The following DOK6 variants were observed in gnomAD, a reference collection of about 807,000 sequenced individuals.
The protein encoded by DOK6 is downstream of tyrosine kinase 6.
Under a neutral mutation model 44.0 loss-of-function variants are expected in DOK6, and 22 were observed. The ratio of observed to expected loss-of-function variants is 0.50; its 90% CI spans 0.36 to 0.71. The LOEUF (loss-of-function observed/expected upper bound fraction) is 0.71, where lower values mean the gene tolerates loss of function less well. DOK6 is among the 30% of genes least tolerant of loss of function. DOK6 has a pLI of 0.00. For synonymous variants in DOK6, 166 were observed against 145.5 expected (o/e 1.14, Z -1.01); for missense variants, 340 against 416.4 (o/e 0.82, Z 1.60).
chr18:69,720,526 G>T (rs903173646), intron 5 of DOK6, among the ~76,000 whole-genome samples: 3 of 152,106 alleles, frequency 2.0e-5, no homozygotes, highest in African/African-American at 7.2e-5. Context: ...CTTCAAAGTC[G>T]ACCAATTTCC....
At chr18:69,535,332 C>G (rs1264875206) in intron 1 of DOK6, among the ~76,000 whole-genome samples, 2 of 151,748 alleles carry the variant, frequency 1.3e-5, no homozygotes, top group African/African-American at 4.8e-5. Context: ...TTTTCTGTAT[C>G]TTTGTTGCTG....
intron 1 of DOK6, among the ~76,000 whole-genome samples, chr18:69,486,373 TAGTA>T (rs897710454): frequency 6.6e-6 from 1 of 152,178 alleles, no homozygotes; most frequent in African/African-American, 2.4e-5. Context: ...TGAAAAGTCT[TAGTA>T]AGAATGATAA....
chr18:69,740,636 C>G (rs1242168669), intron 6 of DOK6, among the ~76,000 whole-genome samples: 2 of 152,226 alleles, frequency 1.3e-5, no homozygotes, highest in Non-Finnish European at 1.5e-5. Flanking sequence ...AACACCACCA[C>G]TTACTGGCTG....
chr18:69,477,753 A>T (rs979510360), intron 1 of DOK6, among the ~76,000 whole-genome samples: 1 of 152,194 alleles, frequency 6.6e-6, no homozygotes, highest in African/African-American at 2.4e-5. Context: ...TTCCTGCATG[A>T]TCAATATTCA....
chr18:69,493,605 ACT>A (rs1444877457), intron 1 of DOK6, among the ~76,000 whole-genome samples: 2 of 152,218 alleles, frequency 1.3e-5, no homozygotes, highest in Non-Finnish European at 2.9e-5. Context: ...TATGAGCAAC[ACT>A]CAATAATTAT....
At chr18:69,585,092 A>T (rs1455404305) in intron 2 of DOK6, among the ~76,000 whole-genome samples, 1 of 151,830 alleles carries the variant, frequency 6.6e-6, no homozygotes, top group Non-Finnish European at 1.5e-5. Context: ...CTTTATTTTA[A>T]ATCACATTTT....
At chr18:69,748,506 G>A (rs1377495645) in intron 6 of DOK6, among the ~76,000 whole-genome samples, 1 of 152,082 alleles carries the variant, frequency 6.6e-6, no homozygotes, top group Non-Finnish European at 1.5e-5. Flanking sequence ...CAAAAGAACT[G>A]AAATCATAAC....
At chr18:69,531,618 C>T (rs534772433) in intron 1 of DOK6, among the ~76,000 whole-genome samples, 2 of 152,042 alleles carry the variant, frequency 1.3e-5, no homozygotes, top group South Asian at 4.2e-4. Context: ...GAAATTATTT[C>T]CCTTCCTCCT....
intron 6 of DOK6, among the ~76,000 whole-genome samples, chr18:69,743,090 T>C (rs12458206): frequency 2.0e-5 from 3 of 152,250 alleles, no homozygotes; most frequent in Admixed American, 1.3e-4. Context: ...TTAAGGAGTC[T>C]CTATACCTTC....
rs536013006 is a variant in DOK6, at chr18:69,799,434, A to G, written c.856+41561A>G. ...ACAGAATCAACTATGAAAAGCACCT[A>G]TCATTCTGAAATCACTAAAATTGTC... On this transcript the variant is annotated intron_variant, in intron 7 of 7. Coordinates refer to ENST00000382713, the MANE Select transcript of DOK6 (RefSeq NM_152721.6). Among the ~76,000 whole-genome samples, 5 of 152,158 alleles carry G rather than the reference A, an allele frequency of 3.3e-5. No individual in the cohort carries two copies. The South Asian group carries it at 6.2e-4, about 19-fold the overall frequency.
intron 7 of DOK6, among the ~76,000 whole-genome samples, chr18:69,762,079 G>T (rs1979575148): frequency 6.6e-6 from 1 of 152,174 alleles, no homozygotes; most frequent in South Asian, 2.1e-4. Flanking sequence ...CCGGCAACTT[G>T]GCAGAAGGAT....
chr18:69,473,655 G>C (rs1980179400), intron 1 of DOK6, among the ~76,000 whole-genome samples: 1 of 152,176 alleles, frequency 6.6e-6, no homozygotes, highest in Non-Finnish European at 1.5e-5. Flanking sequence ...CCATGTCCTT[G>C]CTAGGTCATA....
At chr18:69,627,566 G>A (rs1010732662) in intron 3 of DOK6, among the ~76,000 whole-genome samples, 3 of 151,810 alleles carry the variant, frequency 2.0e-5, no homozygotes, top group South Asian at 2.1e-4. Flanking sequence ...CTCCTGCTTC[G>A]GCCTCCCAAG....
At chr18:69,674,392 C>G (rs1183139777) in intron 3 of DOK6, among the ~76,000 whole-genome samples, 2 of 152,142 alleles carry the variant, frequency 1.3e-5, no homozygotes, top group Admixed American at 1.3e-4. Flanking sequence ...TGAACTGATA[C>G]TGTTTCTCAC....
rs147532956 is a variant in DOK6, at chr18:69,567,181, G to A, written c.174+2587G>A. On this transcript the variant is annotated intron_variant, in intron 2 of 7. Coordinates refer to ENST00000382713, the MANE Select transcript of DOK6 (RefSeq NM_152721.6). ...CATTAACATCATCAGACATGTTTAC[G>A]GAGCCCTTACCATGAATGTAGCACT... Among the ~76,000 whole-genome samples, 230 of 152,218 alleles carry A rather than the reference G, an allele frequency of 1.5e-3. 2 individuals are homozygous for A. The highest frequency in any genetic ancestry group is 2.0e-3 in the African/African-American group (85 of 41,538).
chr18:69,809,694 CA>C (rs542256016), intron 7 of DOK6, among the ~76,000 whole-genome samples: 17 of 150,608 alleles, frequency 1.1e-4, no homozygotes, highest in South Asian at 1.0e-3. Flanking sequence ...TATACACTAA[CA>C]AAAAAAATCA....
At chr18:69,726,170 G>A (rs561700507) in intron 5 of DOK6, among the ~76,000 whole-genome samples, 28 of 152,120 alleles carry the variant, frequency 1.8e-4, no homozygotes, top group South Asian at 1.7e-3. Context: ...ATTTAACTTC[G>A]CTTCCTCTGC....
chr18:69,824,053 T>A (rs9951600), intron 7 of DOK6, among the ~76,000 whole-genome samples: 91,665 of 151,482 alleles, frequency 0.61, 28,839 homozygotes, highest in East Asian at 0.74. Flanking sequence ...TCTTTTTTTT[T>A]AAAAATTATA....
intron 1 of DOK6, among the ~76,000 whole-genome samples, chr18:69,496,000 C>T (rs1021139459): frequency 6.6e-5 from 10 of 152,208 alleles, no homozygotes; most frequent in Admixed American, 5.2e-4. Context: ...ACTTCTGAAA[C>T]TTGCGGGGGG....
Sources: allele counts gnomAD v4.1 joint callset (sites outside exome capture counted in the v4.1 genomes callset), GRCh38; gene constraint gnomAD v4.1.1; transcripts MANE v1.5; gene names NCBI Gene and HGNC (gene_info 2026-07-23, HGNC 2026-07-21).